The following SEC31A variants were observed in gnomAD, a reference collection of about 807,000 sequenced individuals.
SEC31A encodes SEC31 homolog A, COPII component, also known as protein transport protein Sec31A.
In SEC31A, 70 loss-of-function variants were observed where a neutral mutation model predicts 151.0. The observed-to-expected ratio is 0.46, with a 90% CI of 0.38 to 0.57. The LOEUF (loss-of-function observed/expected upper bound fraction) is 0.57. SEC31A is among the 20% of genes least tolerant of loss of function. The pLI, the probability that SEC31A is intolerant of heterozygous loss-of-function variation, is 0.00. For missense variants in SEC31A, 1,330 were observed against 1,471.2 expected, an observed-to-expected ratio of 0.90 and a Z score of 1.57; for synonymous variants, 475 against 505.9, an observed-to-expected ratio of 0.94 and a Z score of 0.82.
chr4:82,880,635 C>G (rs115928406), intron 3 of SEC31A, 164 bp downstream of exon 3: 3 of 551,732 alleles, frequency 5.4e-6, no homozygotes, highest in East Asian at 3.4e-5. Flanking sequence ...ATAAACACTA[C>G]TTTTACTTCC....
chr4:82,821,772 A>G (rs1282355578), intron 25 of SEC31A, among the ~76,000 whole-genome samples: 2 of 152,088 alleles, frequency 1.3e-5, no homozygotes, highest in Non-Finnish European at 2.9e-5. Context: ...GGAGGCAGCA[A>G]TGGGTCAGTG....
At chr4:82,856,210 G>A (rs972939586) in intron 16 of SEC31A, among the ~76,000 whole-genome samples, 1 of 151,986 alleles carries the variant, frequency 6.6e-6, no homozygotes, top group Non-Finnish European at 1.5e-5. Flanking sequence ...GAGTGCAATG[G>A]CGTGATCTCG....
At chr4:82,861,295 A>G (rs1479368250) in intron 14 of SEC31A, among the ~76,000 whole-genome samples, 1 of 152,228 alleles carries the variant, frequency 6.6e-6, no homozygotes, top group Non-Finnish European at 1.5e-5. Context: ...GCCAAGAAAA[A>G]CATTAACTTT....
chr4:82,899,141 G>T (rs766761898), intron 3 of SEC31A, among the ~76,000 whole-genome samples: 6 of 152,184 alleles, frequency 3.9e-5, no homozygotes, highest in Admixed American at 6.5e-5. Context: ...CCACTTACAT[G>T]AAGTGTACAG....
At chr4:82,873,315 C>A (rs984278392) in intron 6 of SEC31A, among the ~76,000 whole-genome samples, 1 of 151,496 alleles carries the variant, frequency 6.6e-6, no homozygotes, top group Admixed American at 6.6e-5. Context: ...ATGATTGCGC[C>A]CCTACACTCC....
intron 13 of SEC31A, among the ~76,000 whole-genome samples, chr4:82,862,305 T>C (rs1734372988): frequency 6.6e-6 from 1 of 152,034 alleles, no homozygotes; most frequent in African/African-American, 2.4e-5. Flanking sequence ...ATTAATTCTG[T>C]TTTTCCTGCT....
intron 20 of SEC31A, among the ~76,000 whole-genome samples, chr4:82,848,389 A>C (rs1730697578): frequency 6.6e-6 from 1 of 151,952 alleles, no homozygotes; most frequent in South Asian, 2.1e-4. Context: ...CTAAACCTAT[A>C]CTAATGATTA....
intron 18 of SEC31A, among the ~76,000 whole-genome samples, chr4:82,853,207 C>T (rs888460472): frequency 6.6e-6 from 1 of 152,184 alleles, no homozygotes; most frequent in Non-Finnish European, 1.5e-5. Flanking sequence ...ATTGGGGATG[C>T]CTCCTATTCC....
At chr4:82,846,225 G>T (rs375070118) in intron 20 of SEC31A, among the ~76,000 whole-genome samples, 51 of 151,260 alleles carry the variant, frequency 3.4e-4, no homozygotes, top group African/African-American at 1.2e-3. Context: ...GGCTGGTCTC[G>T]ATCTCCTGAC....
intron 21 of SEC31A, among the ~76,000 whole-genome samples, chr4:82,843,018 G>A (rs528565945): frequency 2.0e-5 from 3 of 152,196 alleles, no homozygotes; most frequent in East Asian, 3.9e-4. Flanking sequence ...CTAACTCTAT[G>A]ATCCCTAACA....
intron 23 of SEC31A, among the ~76,000 whole-genome samples, chr4:82,828,673 CA>C (rs397994259): frequency 4.5e-5 from 2 of 44,116 alleles, no homozygotes; most frequent in African/African-American, 1.8e-4. Flanking sequence ...CAAAGTAACT[CA>C]AAAAAAAAAA....
chr4:82,828,158 C>A (rs1013911453), intron 23 of SEC31A, among the ~76,000 whole-genome samples: 2 of 152,078 alleles, frequency 1.3e-5, no homozygotes, highest in African/African-American at 4.8e-5. Context: ...TGTGATCTGC[C>A]CGCCTCAGTC....
chr4:82,840,108 C>G (rs1470107912), intron 22 of SEC31A, among the ~76,000 whole-genome samples: 1 of 152,114 alleles, frequency 6.6e-6, no homozygotes, highest in African/African-American at 2.4e-5. Flanking sequence ...ACTGTGCAAT[C>G]CTGAAACATA....
At position 82,857,678 on chromosome 4, in the gene SEC31A, C is replaced by A. The variant is rs1304133388; in HGVS notation, c.1702+11G>T. 9.9e-6 allele frequency: 15 copies of A among 1,520,586 alleles called. No individual in the cohort carries two copies. Among genetic ancestry groups the A allele is most frequent in the Non-Finnish European group, 1.4e-5 (15 of 1,103,728 alleles). 94.2% of individuals were successfully genotyped at this position (1,520,586 alleles called of 1,614,324 possible). ...AAAAAAAATTAGAAATCAAAACCAA[C>A]AAGTACTTACCCCCACTGACAGAGA... is the stretch of plus-strand genomic sequence containing the variant. On this transcript the variant is annotated intron_variant, in intron 15 of 26. Coordinates refer to ENST00000395310, the MANE Select transcript of SEC31A (RefSeq NM_001077207.4).
Position 82,827,433 on chromosome 4 carries a change from G to A in SEC31A, c.3227C>T (p.Pro1076Leu), listed in dbSNP as rs754823889. ...VQQPLGQTGM[P>L]PSFSKPNIEG... ...AATATTGGGCTTTGAAAAAGATGGTGGCATGCCTGTTTGACCAAGAGGTTG... is the reference window on the plus strand; with the variant it reads ...AATATTGGGCTTTGAAAAAGATGGTAGCATGCCTGTTTGACCAAGAGGTTG... Residue 1076 changes from proline (P) to leucine (L), a missense_variant, in exon 24 of 27, where the codon CCA becomes CTA. Pro to Leu is a moderately conservative substitution (Grantham distance 98). Transcript: ENST00000395310. The A allele has an allele frequency of 1.9e-6, 3 of 1,614,196 alleles. No homozygotes were observed. The East Asian group carries it at 6.7e-5, about 36-fold the overall frequency.
At position 82,856,956 on chromosome 4, in the gene SEC31A, G is replaced by C; in HGVS notation, c.1877C>G (p.Thr626Ser). Residue 626 changes from threonine (T) to serine (S), a missense_variant, in exon 16 of 27, where the codon ACC becomes AGC. Transcript: ENST00000395310. ...KYFAKSQSKI[T>S]RLITAVVMKN... is the part of the protein sequence containing the mutation. ...CTTATTTTTAAAATAACATACCCTG[G>C]TAATTTTGCTTTGGGATTTTGCGAA... 6.2e-7 allele frequency: 1 copy of C among 1,605,672 alleles called. No homozygotes were observed. Among genetic ancestry groups the C allele is most frequent in the Non-Finnish European group, 8.5e-7 (1 of 1,177,242 alleles).
chr4:82,873,891 T>C (rs1045543930), intron 6 of SEC31A, among the ~76,000 whole-genome samples: 2 of 152,226 alleles, frequency 1.3e-5, no homozygotes, highest in African/African-American at 2.4e-5. Context: ...ATTTTAGCAG[T>C]ACCTAATCAG....
At position 82,857,150 on chromosome 4, in the gene SEC31A, C is replaced by A; in HGVS notation, c.1703-20G>T. The A allele has an allele frequency of 1.2e-6, 2 of 1,601,992 alleles. No homozygotes were observed. Among genetic ancestry groups the A allele is most frequent in the East Asian group, 4.5e-5 (2 of 44,694 alleles). ...CAATGTCTGCAACAAGAAAATAATA[C>A]ATCCAAGTTAAATAGAGTTTTTGTT... On this transcript the variant is annotated intron_variant, in intron 15 of 26. Transcript: ENST00000395310.
intron 22 of SEC31A, among the ~76,000 whole-genome samples, chr4:82,837,139 T>C (rs974997831): frequency 4.5e-5 from 6 of 132,324 alleles, no homozygotes; most frequent in African/African-American, 1.7e-4. Flanking sequence ...CCTTCAAACA[T>C]GGTTAAAATA....
Sources: gnomAD v4.1 joint callset for allele counts (sites outside exome capture counted in the v4.1 genomes callset) on GRCh38, gnomAD v4.1.1 for gene constraint, MANE v1.5 for transcripts, NCBI Gene and HGNC (gene_info 2026-07-23, HGNC 2026-07-21) for gene names.